The following CDH18 variants were observed in gnomAD, a reference collection of about 807,000 sequenced individuals.
The protein encoded by CDH18 is cadherin 18, also known as cadherin-18.
A neutral mutation model predicts 67.9 loss-of-function variants in CDH18; 31 were observed. That is an observed-to-expected ratio of 0.46 (90% CI 0.34 to 0.62). The LOEUF (loss-of-function observed/expected upper bound fraction) is 0.62. Among genes scored for constraint, CDH18 ranks in the 20% least tolerant of loss-of-function variants. The pLI, the probability that CDH18 is intolerant of heterozygous loss-of-function variation, is 0.01. For synonymous variants in CDH18, 362 were observed against 347.2 expected, an observed-to-expected ratio of 1.04 and a Z score of -0.48; for missense variants, 890 against 975.5, an observed-to-expected ratio of 0.91 and a Z score of 1.17.
At chr5:20,280,534 A>G (rs1422206199) in intron 1 of CDH18, among the ~76,000 whole-genome samples, 1 of 152,184 alleles carries the variant, frequency 6.6e-6, no homozygotes, top group Non-Finnish European at 1.5e-5. Context: ...AAAGGACATG[A>G]ACTCATCATT....
intron 5 of CDH18, among the ~76,000 whole-genome samples, chr5:19,713,249 T>G (rs1477466068): frequency 6.6e-6 from 1 of 152,110 alleles, no homozygotes. Flanking sequence ...TTCTTATCTT[T>G]TTGATATGTA....
chr5:19,852,512 C>A (rs1040843375), intron 2 of CDH18, among the ~76,000 whole-genome samples: 1 of 151,998 alleles, frequency 6.6e-6, no homozygotes, highest in Non-Finnish European at 1.5e-5. Context: ...TGTGCATGTA[C>A]ATCCAAAGAG....
At chr5:20,152,517 C>T (rs1012300011) in intron 2 of CDH18, among the ~76,000 whole-genome samples, 15 of 151,672 alleles carry the variant, frequency 9.9e-5, no homozygotes, top group Non-Finnish European at 1.9e-4. Flanking sequence ...ACATTTTCAG[C>T]TGGTTAATCC....
chr5:20,128,046 G>T (rs1220557185), intron 2 of CDH18, among the ~76,000 whole-genome samples: 1 of 151,952 alleles, frequency 6.6e-6, no homozygotes, highest in East Asian at 1.9e-4. Context: ...CTCCTTCTAG[G>T]TCAGTATTGG....
intron 11 of CDH18, among the ~76,000 whole-genome samples, chr5:19,502,042 C>T (rs573624950): frequency 1.4e-4 from 22 of 152,224 alleles, no homozygotes; most frequent in African/African-American, 2.9e-4. Flanking sequence ...TGGCTTTGTG[C>T]GCATTTTGAT....
chr5:20,301,150 C>T (rs1037412902), intron 1 of CDH18, among the ~76,000 whole-genome samples: 6 of 151,988 alleles, frequency 3.9e-5, no homozygotes, highest in Non-Finnish European at 7.4e-5. Context: ...AAGGTCAGAG[C>T]AGAGTAATTG....
intron 2 of CDH18, among the ~76,000 whole-genome samples, chr5:20,043,781 G>A (rs1040088373): frequency 1.3e-5 from 2 of 152,172 alleles, no homozygotes; most frequent in Admixed American, 1.3e-4. Context: ...AAAATGGAAA[G>A]GCAGCTGATA....
intron 5 of CDH18, among the ~76,000 whole-genome samples, chr5:19,698,698 TA>T (rs1762840937): frequency 6.6e-6 from 1 of 151,880 alleles, no homozygotes; most frequent in Non-Finnish European, 1.5e-5. Context: ...AAAATAAAAA[TA>T]ATATGTATAC....
chr5:19,852,915 C>T (rs974416287), intron 2 of CDH18, among the ~76,000 whole-genome samples: 6 of 146,216 alleles, frequency 4.1e-5, no homozygotes, highest in Non-Finnish European at 7.7e-5. Flanking sequence ...GGAATTATCC[C>T]AGAAACATCT....
intron 1 of CDH18, among the ~76,000 whole-genome samples, chr5:20,361,216 A>C (rs1742063701): frequency 6.6e-6 from 1 of 152,030 alleles, no homozygotes; most frequent in South Asian, 2.1e-4. Flanking sequence ...GAAATATGTT[A>C]GTAAGAAATC....
intron 1 of CDH18, among the ~76,000 whole-genome samples, chr5:20,274,901 G>T (rs1229072514): frequency 6.6e-6 from 1 of 152,016 alleles, no homozygotes; most frequent in Non-Finnish European, 1.5e-5. Flanking sequence ...TGGCCTGAGA[G>T]AACTGTAAAA....
intron 2 of CDH18, among the ~76,000 whole-genome samples, chr5:20,213,382 A>T (rs769816419): frequency 3.3e-5 from 5 of 152,142 alleles, no homozygotes; most frequent in African/African-American, 4.8e-5. Context: ...CATCAGGATG[A>T]TGCTGGCCTC....
intron 2 of CDH18, among the ~76,000 whole-genome samples, chr5:19,921,397 G>A (rs1213814431): frequency 2.0e-5 from 3 of 151,996 alleles, no homozygotes; most frequent in Non-Finnish European, 4.4e-5. Context: ...CAGGAGTGGT[G>A]GCGGGCACCT....
intron 3 of CDH18, among the ~76,000 whole-genome samples, chr5:19,785,406 A>C (rs187372560): frequency 6.6e-6 from 1 of 151,270 alleles, no homozygotes; most frequent in African/African-American, 2.4e-5. Context: ...CAATCCCAGC[A>C]CTTTGGGAGG....
At chr5:19,802,186 T>C (rs1179802691) in intron 3 of CDH18, among the ~76,000 whole-genome samples, 1 of 152,172 alleles carries the variant, frequency 6.6e-6, no homozygotes, top group Non-Finnish European at 1.5e-5. Flanking sequence ...AAAAATAGTT[T>C]ATGCTGCCTC....
At chr5:20,274,288 A>G (rs75206656) in intron 1 of CDH18, among the ~76,000 whole-genome samples, 1,706 of 152,290 alleles carry the variant, frequency 0.011, 33 homozygotes, top group African/African-American at 0.039. Flanking sequence ...TGTTTATATT[A>G]TATAATACTA....
At chr5:19,628,366 C>T (rs1415816142) in intron 5 of CDH18, among the ~76,000 whole-genome samples, 1 of 152,038 alleles carries the variant, frequency 6.6e-6, no homozygotes, top group Non-Finnish European at 1.5e-5. Flanking sequence ...ATACAAGTGA[C>T]ATGATTTTAT....
chr5:20,274,479 G>T (rs1443780979), intron 1 of CDH18, among the ~76,000 whole-genome samples: 1 of 152,108 alleles, frequency 6.6e-6, no homozygotes, highest in Non-Finnish European at 1.5e-5. Context: ...GGATCAGAAA[G>T]AAGGAATACA....
chr5:19,836,765 T>C (rs144679391), intron 3 of CDH18, among the ~76,000 whole-genome samples: 1 of 152,190 alleles, frequency 6.6e-6, no homozygotes, highest in Non-Finnish European at 1.5e-5. Flanking sequence ...CTGAATATTA[T>C]TGCATAGCTT....
Sources: gnomAD v4.1 joint callset for allele counts (sites outside exome capture counted in the v4.1 genomes callset) on GRCh38, gnomAD v4.1.1 for gene constraint, MANE v1.5 for transcripts, NCBI Gene and HGNC (gene_info 2026-07-23, HGNC 2026-07-21) for gene names.